PLPP1: variants seen among roughly 807,000 people sequenced by gnomAD.
The protein encoded by PLPP1 is phospholipid phosphatase 1.
Under a neutral mutation model 31.2 loss-of-function variants are expected in PLPP1, and 24 were observed. The observed-to-expected ratio is 0.77, with a 90% CI of 0.56 to 1.08. The LOEUF (loss-of-function observed/expected upper bound fraction) is 1.08. PLPP1 is among the 50% of genes least tolerant of loss of function. The pLI is 0.00. For missense variants in PLPP1, 319 were observed against 342.7 expected (o/e 0.93, Z 0.55); for synonymous variants, 146 against 126.3 (o/e 1.16, Z -1.05).
chr5:55,436,400 C>G (rs979371138), intron 4 of PLPP1, among the ~76,000 whole-genome samples: 3 of 152,180 alleles, frequency 2.0e-5, no homozygotes, highest in African/African-American at 7.2e-5. Context: ...TGGAGTTTCC[C>G]TGCACAAGCT....
chr5:55,500,200 C>T (rs1452216555), intron 1 of PLPP1, among the ~76,000 whole-genome samples: 2 of 151,794 alleles, frequency 1.3e-5, no homozygotes, highest in Admixed American at 1.3e-4. Flanking sequence ...CTACCTCAGC[C>T]TCCCGAGTAG....
chr5:55,427,087 T>TAA (rs3070034), intron 4 of PLPP1, among the ~76,000 whole-genome samples: 24 of 150,476 alleles, frequency 1.6e-4, no homozygotes, highest in African/African-American at 4.9e-4. Context: ...CTGCTCTCAT[T>TAA]AAAAAAAAAA....
At chr5:55,443,140 T>C (rs1200056621) in intron 3 of PLPP1, among the ~76,000 whole-genome samples, 4 of 144,014 alleles carry the variant, frequency 2.8e-5, no homozygotes, top group African/African-American at 7.7e-5. Flanking sequence ...GTGTGTATGT[T>C]TGGCAGCTGC....
intron 1 of PLPP1, among the ~76,000 whole-genome samples, chr5:55,522,229 G>A (rs563678627): frequency 6.6e-6 from 1 of 152,176 alleles, no homozygotes; most frequent in Non-Finnish European, 1.5e-5. Flanking sequence ...TTCCTTTCCT[G>A]TGAAAACCTG....
At chr5:55,528,297 T>C (rs1740541832) in intron 1 of PLPP1, among the ~76,000 whole-genome samples, 1 of 152,056 alleles carries the variant, frequency 6.6e-6, no homozygotes, top group Non-Finnish European at 1.5e-5. Flanking sequence ...AACAGACAAA[T>C]CATTTATCTA....
At chr5:55,501,863 C>T (rs978544063) in intron 1 of PLPP1, among the ~76,000 whole-genome samples, 2 of 151,982 alleles carry the variant, frequency 1.3e-5, no homozygotes, top group African/African-American at 4.8e-5. Flanking sequence ...GACATGCTTA[C>T]AGAGAGAGTA....
At chr5:55,468,816 AATAC>A (rs1347717479) in intron 2 of PLPP1, among the ~76,000 whole-genome samples, 1 of 152,148 alleles carries the variant, frequency 6.6e-6, no homozygotes, top group African/African-American at 2.4e-5. Flanking sequence ...TAAATAAATA[AATAC>A]ATACATACAT....
rs568471044 is a variant in PLPP1 at position 55,451,601 on chromosome 5, G to A, written c.492-9693C>T. Among the ~76,000 whole-genome samples the A allele has an allele frequency of 7.4e-5, 11 of 147,948 alleles. No homozygotes were observed. In the South Asian group the frequency reaches 2.1e-3, roughly 29 times the overall value. ...TTTTGAGACAGAGTCTCACTCTGTC[G>A]CCCAGGCTGGAGTGCAGTGGCATGA... is the stretch of plus-strand genomic sequence containing the variant. On this transcript the variant is annotated intron_variant, in intron 3 of 5. Transcript: ENST00000307259.
At chr5:55,458,589 T>C (rs1330311857) in intron 3 of PLPP1, among the ~76,000 whole-genome samples, 3 of 151,548 alleles carry the variant, frequency 2.0e-5, no homozygotes, top group Admixed American at 6.6e-5. Flanking sequence ...AGACGAAACA[T>C]AGAAAATACA....
chr5:55,511,650 G>GTTTTTTTTTTTTT (rs1158182340), intron 1 of PLPP1, among the ~76,000 whole-genome samples: 1 of 51,496 alleles, frequency 1.9e-5, no homozygotes, highest in African/African-American at 9.0e-5. Flanking sequence ...CACGTGTTGA[G>GTTTTTTTTTTTTT]TTTTTTTTTT....
In PLPP1 at chr5:55,443,212, TACAC is replaced by T. The variant is rs960914383; in HGVS notation, c.492-1308_492-1305del. ...AAAAAAATATATATATATATATATA[TACAC>T]ACACACACACACACACACATATATA... is the stretch of plus-strand genomic sequence containing the variant. On this transcript the variant is annotated intron_variant, in intron 3 of 5. Coordinates refer to ENST00000307259, the MANE Select transcript of PLPP1 (RefSeq NM_003711.4). Among the ~76,000 whole-genome samples the T allele has an allele frequency of 7.3e-4, 77 of 104,988 alleles. 2 individuals are homozygous for T. The highest frequency in any genetic ancestry group is 2.4e-3 in the African/African-American group (63 of 26,006). 68.9% of individuals were successfully genotyped at this position (104,988 alleles called of 152,430 possible).
At chr5:55,467,404 G>C (rs1455637934) in intron 3 of PLPP1, among the ~76,000 whole-genome samples, 1 of 151,810 alleles carries the variant, frequency 6.6e-6, no homozygotes, top group African/African-American at 2.4e-5. Flanking sequence ...ATTTACTATT[G>C]GCTGGGTGTG....
chr5:55,512,468 C>CA (rs370927824), intron 1 of PLPP1, among the ~76,000 whole-genome samples: 43 of 10,298 alleles, frequency 4.2e-3, no homozygotes, highest in Admixed American at 6.4e-3. Flanking sequence ...AAGACTGTCT[C>CA]AAAAAAAAAA....
chr5:55,463,778 C>A (rs1752220925), intron 3 of PLPP1, among the ~76,000 whole-genome samples: 1 of 130,230 alleles, frequency 7.7e-6, no homozygotes, highest in African/African-American at 2.9e-5. Context: ...AAGACCCTGT[C>A]CCATAAATAA....
chr5:55,466,477 C>CG (rs1478245026), intron 3 of PLPP1, among the ~76,000 whole-genome samples: 1 of 152,016 alleles, frequency 6.6e-6, no homozygotes, highest in Non-Finnish European at 1.5e-5. Context: ...CTGAGGCAGG[C>CG]GGATCACCTG....
chr5:55,444,743 T>TTGTGTGTGTGTGTGTGTGTGTGTGTG (rs1554037412), intron 3 of PLPP1, among the ~76,000 whole-genome samples: 60 of 137,376 alleles, frequency 4.4e-4, no homozygotes, highest in African/African-American at 1.5e-3. Flanking sequence ...GGATTCTATT[T>TTGTGTGTGTGTGTGTGTGTGTGTGTG]TGTGTGTGTG....
At chr5:55,503,724 A>G (rs1363412001) in intron 1 of PLPP1, among the ~76,000 whole-genome samples, 2 of 147,214 alleles carry the variant, frequency 1.4e-5, no homozygotes, top group Admixed American at 1.4e-4. Context: ...GGTTGCAGTG[A>G]GCAGAGGTCG....
chr5:55,482,558 T>G (rs372505037), intron 1 of PLPP1, among the ~76,000 whole-genome samples: 7 of 152,198 alleles, frequency 4.6e-5, no homozygotes, highest in African/African-American at 1.7e-4. Context: ...AAATAAGAAA[T>G]GGCAGCACAG....
At chr5:55,425,422 T>TAAACA (rs1751155814) in intron 5 of PLPP1, 88 bp from the exon 6 acceptor site, 1 of 1,236,926 alleles carries the variant, frequency 8.1e-7, no homozygotes, top group East Asian at 2.4e-5. Context: ...AAGATAAATA[T>TAAACA]AAACAAAAGG....
Sources: gnomAD v4.1 joint callset for allele counts (sites outside exome capture counted in the v4.1 genomes callset) on GRCh38, gnomAD v4.1.1 for gene constraint, MANE v1.5 for transcripts, NCBI Gene and HGNC (gene_info 2026-07-23, HGNC 2026-07-21) for gene names.